The following LRRC49 variants were observed in gnomAD, a reference collection of about 807,000 sequenced individuals.
The protein encoded by LRRC49 is leucine rich repeat containing 49.
A neutral mutation model predicts 83.3 loss-of-function variants in LRRC49; 50 were observed. That is an observed-to-expected ratio of 0.60 (90% CI 0.48 to 0.76). The LOEUF is 0.76. Ranked by LOEUF, LRRC49 falls within the 30% of genes least tolerant of loss-of-function variation. The probability of loss-of-function intolerance (pLI) is 0.00; values close to 1 mark genes in which losing one functional copy is unlikely to be tolerated. For synonymous variants in LRRC49, 286 were observed against 283.3 expected (o/e 1.01, Z -0.10); for missense variants, 704 against 809.1 (o/e 0.87, Z 1.58).
At chr15:70,859,176 GC>G in intron 1 of LRRC49, 1 of 1,470,656 alleles carries the variant, frequency 6.8e-7, no homozygotes. Flanking sequence ...GAGACTCTGA[GC>G]CAGGAGAAGC....
At chr15:70,936,713 TA>T (rs2035611522) in intron 7 of LRRC49, 47 bp from the exon 8 acceptor site, 1 of 1,092,664 alleles carries the variant, frequency 9.2e-7, no homozygotes, top group Non-Finnish European at 1.4e-6. Flanking sequence ...ACATTTATAA[TA>T]TTTTTTTCTT....
At chr15:71,002,314 G>GT in intron 11 of LRRC49, among the ~76,000 whole-genome samples, 1 of 151,784 alleles carries the variant, frequency 6.6e-6, no homozygotes, top group East Asian at 1.9e-4. Context: ...TTGGCTTATG[G>GT]GGGGGGCGTG....
chr15:70,859,513 G>C (rs2032733365), intron 1 of LRRC49: 1 of 683,914 alleles, frequency 1.5e-6, no homozygotes, highest in East Asian at 3.2e-5. Context: ...AGGTGCAGTA[G>C]GAGGAGATTG....
In LRRC49 at chr15:70,903,278, C is replaced by T. The variant is rs2034162371; in HGVS notation, c.297-1274C>T. On this transcript the variant is annotated intron_variant, in intron 4 of 15. Coordinates refer to ENST00000260382, the MANE Select transcript of LRRC49 (RefSeq NM_017691.5). ...CTAAATTTATTGATTTATCACAGTT[C>T]TGATAAAATAGTTGGATAAAATATT... Among the ~76,000 whole-genome samples the T allele has an allele frequency of 2.6e-5, 4 of 151,272 alleles. No individual in the cohort carries two copies. The South Asian group carries it at 8.4e-4, about 32-fold the overall frequency.
chr15:70,946,891 AT>A (rs1202569172), intron 8 of LRRC49, among the ~76,000 whole-genome samples: 2 of 152,030 alleles, frequency 1.3e-5, no homozygotes, highest in Admixed American at 6.6e-5. Flanking sequence ...GGAAATGTCT[AT>A]TGTAGTCCCT....
chr15:70,882,404 A>T, intron 2 of LRRC49: 1 of 1,361,654 alleles, frequency 7.3e-7, no homozygotes. Context: ...TAATTATGTG[A>T]GTAAAGATTT....
rs543200362 is a variant in LRRC49 at position 71,006,252 on chromosome 15, C to T, written c.1170-2127C>T. Among the ~76,000 whole-genome samples, 5 of 152,260 alleles carry T rather than the reference C, an allele frequency of 3.3e-5. No individual in the cohort carries two copies. The East Asian group carries it at 9.6e-4, about 29-fold the overall frequency. On this transcript the variant is annotated intron_variant, in intron 11 of 15. Transcript: ENST00000260382. Reference sequence around the variant, plus strand: ...AAGCCCTTTACACAAAATAAATAATCCCTTTCTGATGACAGACTTTTTATT... The same window carrying T: ...AAGCCCTTTACACAAAATAAATAATTCCTTTCTGATGACAGACTTTTTATT...
In LRRC49 at chr15:70,893,656, G is replaced by A; in HGVS notation, c.105+16G>A. 6.3e-7 allele frequency: 1 copy of A among 1,597,162 alleles called. No homozygotes were observed. The highest frequency in any genetic ancestry group is 8.6e-7 in the Non-Finnish European group (1 of 1,166,124). ...AAAAAACAAAGTAAGATTTAAGAAG[G>A]TTGGCATTTAAATTGAAGATTGTTT... On this transcript the variant is annotated intron_variant, in intron 2 of 15. Coordinates refer to ENST00000260382, the MANE Select transcript of LRRC49 (RefSeq NM_017691.5).
At chr15:70,919,680 C>G (rs1334357928) in intron 7 of LRRC49, among the ~76,000 whole-genome samples, 7 of 152,058 alleles carry the variant, frequency 4.6e-5, no homozygotes, top group Non-Finnish European at 1.0e-4. Flanking sequence ...ATGGTCTTAG[C>G]TTCATCTCTC....
rs188580824 is a variant in LRRC49 at position 70,968,406 on chromosome 15, A to G, written c.921+4474A>G. Among the ~76,000 whole-genome samples, 742 of 152,190 alleles carry G rather than the reference A, an allele frequency of 4.9e-3. 11 individuals carry two copies. Among genetic ancestry groups the G allele is most frequent in the African/African-American group, 0.017 (723 of 41,528 alleles). On this transcript the variant is annotated intron_variant, in intron 9 of 15. Transcript: ENST00000260382. ...TAAGATTGATGGGCATTTTGGTTCC[A>G]AGTCTTTGCTATTGTGAATAGTGCT...
chr15:70,976,219 A>G (rs923379842), intron 9 of LRRC49, among the ~76,000 whole-genome samples: 1 of 152,216 alleles, frequency 6.6e-6, no homozygotes, highest in Non-Finnish European at 1.5e-5. Flanking sequence ...ATATCCCTGG[A>G]CCAGAAGTCA....
At chr15:70,860,007 GC>G (rs2032749072) in intron 1 of LRRC49, 2 of 751,202 alleles carry the variant, frequency 2.7e-6, no homozygotes, top group South Asian at 1.4e-5. Flanking sequence ...GACCTCACAA[GC>G]CCCGGCCTCA....
Position 71,009,874 on chromosome 15 carries a change from G to C in LRRC49, c.1475G>C (p.Arg492Pro), listed in dbSNP as rs766840882. ...TTTAACGCACTAGCCCAACTCCGTC[G>C]TATTGACCAGTTGACAATTGATCCT... ...QQFNALAQLR[R>P]IDQLTIDPQG... Residue 492 changes from arginine to proline, a missense_variant, in exon 13 of 16, where the codon CGT (arginine) becomes CCT (proline). By Grantham distance (103) the Arg-to-Pro change is moderately radical. Transcript: ENST00000260382. The C allele has an allele frequency of 3.1e-6, 5 of 1,612,258 alleles. No homozygotes were observed. The highest frequency in any genetic ancestry group is 4.2e-6 in the Non-Finnish European group (5 of 1,178,668).
rs1002499545 is a variant in LRRC49 at position 70,966,545 on chromosome 15, G to A, written c.921+2613G>A. ...TTCTCTGTTTGAGAAATTGTATAAC[G>A]TCCTCCTGGTTCTACACATTCCATT... On this transcript the variant is annotated intron_variant, in intron 9 of 15. Transcript: ENST00000260382. 4.6e-5 allele frequency among the ~76,000 whole-genome samples: 7 copies of A among 152,164 alleles called. No homozygotes were observed. In the Middle Eastern group the frequency reaches 0.01, roughly 222 times the overall value.
chr15:70,905,540 C>T (rs1469307311), intron 5 of LRRC49, among the ~76,000 whole-genome samples: 2 of 152,070 alleles, frequency 1.3e-5, no homozygotes, highest in African/African-American at 2.4e-5. Context: ...CACTCTATAA[C>T]GAAGACAGAT....
chr15:70,955,148 G>A (rs972847713), intron 8 of LRRC49, among the ~76,000 whole-genome samples: 1 of 152,130 alleles, frequency 6.6e-6, no homozygotes, highest in African/African-American at 2.4e-5. Context: ...TAAATCTGAG[G>A]TTGATTGAAT....
chr15:70,943,244 G>A (rs2141168269), intron 8 of LRRC49, among the ~76,000 whole-genome samples: 1 of 152,030 alleles, frequency 6.6e-6, no homozygotes, highest in East Asian at 1.9e-4. Flanking sequence ...TTTTATATCT[G>A]TTACCAGCGG....
chr15:70,925,088 GGTAT>G (rs2035147241), intron 7 of LRRC49, among the ~76,000 whole-genome samples: 1 of 152,058 alleles, frequency 6.6e-6, no homozygotes, highest in East Asian at 1.9e-4. Flanking sequence ...CTGAAATCTA[GGTAT>G]GTCTTACAAT....
intron 1 of LRRC49, among the ~76,000 whole-genome samples, chr15:70,866,114 GTATTTATTTATTTATTTATTTATT>G (rs71880311): frequency 7.0e-6 from 1 of 142,148 alleles, no homozygotes; most frequent in East Asian, 2.0e-4. Flanking sequence ...TACATGTAAA[GTATTTATTTATTTATTTATTTATT>G]TATTTATTTA....
Sources: gnomAD v4.1 joint callset for allele counts (sites outside exome capture counted in the v4.1 genomes callset) on GRCh38, gnomAD v4.1.1 for gene constraint, MANE v1.5 for transcripts, NCBI Gene and HGNC (gene_info 2026-07-23, HGNC 2026-07-21) for gene names.